FXR1: variants seen among roughly 807,000 people sequenced by gnomAD.
FXR1 encodes FMR1 autosomal homolog 1.
In FXR1, 15 loss-of-function variants were observed where a neutral mutation model predicts 84.0. That is an observed-to-expected ratio of 0.18 (90% CI 0.12 to 0.27). The LOEUF (loss-of-function observed/expected upper bound fraction) is 0.27, where lower values mean the gene tolerates loss of function less well. FXR1 is among the 10% of genes least tolerant of loss of function. The probability of loss-of-function intolerance (pLI) is 1.00; values close to 1 mark genes in which losing one functional copy is unlikely to be tolerated. For synonymous variants in FXR1, 245 were observed against 250.7 expected, an observed-to-expected ratio of 0.98 and a Z score of 0.21; for missense variants, 480 against 774.4, an observed-to-expected ratio of 0.62 and a Z score of 4.51.
Position 180,979,647 on chromosome 3 carries a change from T to C in FXR1, c.*3355T>C, listed in dbSNP as rs778764962. ...TTAATCTCTGATAGTATTTGGGTTTTATTTCAGGAGCTTTTGCAATAAAGC... is the reference window on the plus strand; with the variant it reads ...TTAATCTCTGATAGTATTTGGGTTTCATTTCAGGAGCTTTTGCAATAAAGC... On this transcript the variant is annotated 3_prime_UTR_variant, in exon 17 of 17. Transcript: ENST00000357559. 14 of 152,074 alleles carry C rather than the reference T, an allele frequency of 9.2e-5. No homozygotes were observed. Among genetic ancestry groups the C allele is most frequent in the Admixed American group, 3.3e-4 (5 of 15,256 alleles). 9.4% of individuals were successfully genotyped at this position (152,074 alleles called of 1,614,324 possible). A position where few individuals can be genotyped will look rare whatever the true frequency, so the allele number is the denominator to read the frequency against.
chr3:180,936,732 A>C (rs1376763675), intron 3 of FXR1, among the ~76,000 whole-genome samples: 1 of 152,224 alleles, frequency 6.6e-6, no homozygotes, highest in East Asian at 1.9e-4. Flanking sequence ...TTACTCATTC[A>C]TGAGGGACTT....
chr3:180,951,688 T>C (rs1197687096), intron 8 of FXR1, among the ~76,000 whole-genome samples: 1 of 152,240 alleles, frequency 6.6e-6, no homozygotes, highest in Non-Finnish European at 1.5e-5. Context: ...ATGTAGTTTT[T>C]TTATTGAGGT....
At chr3:180,968,676 G>A (rs1577000084) in intron 14 of FXR1, among the ~76,000 whole-genome samples, 1 of 152,144 alleles carries the variant, frequency 6.6e-6, no homozygotes, top group South Asian at 2.1e-4. Context: ...AGCATTCTTA[G>A]CTACACTATG....
intron 10 of FXR1, among the ~76,000 whole-genome samples, chr3:180,958,225 A>G (rs1195518867): frequency 6.6e-6 from 1 of 152,112 alleles, no homozygotes; most frequent in East Asian, 1.9e-4. Context: ...GTAGAACTTG[A>G]TACTCCAAAA....
intron 1 of FXR1, among the ~76,000 whole-genome samples, chr3:180,917,753 C>T (rs574721627): frequency 2.6e-5 from 4 of 151,888 alleles, no homozygotes; most frequent in Non-Finnish European, 5.9e-5. Flanking sequence ...TCGAGACCAG[C>T]CTGGCCAACA....
At position 180,976,410 on chromosome 3, in the gene FXR1, A is replaced by G. The variant is rs998071415; in HGVS notation, c.*118A>G. The G allele has an allele frequency of 2.0e-5, 13 of 640,948 alleles. No homozygotes were observed. The highest frequency in any genetic ancestry group is 3.2e-5 in the Non-Finnish European group (12 of 377,504). 39.7% of individuals were successfully genotyped at this position (640,948 alleles called of 1,614,324 possible). ...TTTACATCGCACTTTCAGTTCCTCCATTTGGAATTCAAAAAGGGGAGGGAT... is the reference window on the plus strand; with the variant it reads ...TTTACATCGCACTTTCAGTTCCTCCGTTTGGAATTCAAAAAGGGGAGGGAT... On this transcript the variant is annotated 3_prime_UTR_variant, in exon 17 of 17. Transcript: ENST00000357559.
intron 8 of FXR1, among the ~76,000 whole-genome samples, 166 bp from the exon 9 acceptor site, chr3:180,953,596 C>T (rs1383394248): frequency 6.6e-6 from 1 of 151,878 alleles, no homozygotes; most frequent in Non-Finnish European, 1.5e-5. Flanking sequence ...TTTTTAAGTA[C>T]TTTGTGAATC....
At position 180,978,101 on chromosome 3, in the gene FXR1, T is replaced by C. The variant is rs1357244124; in HGVS notation, c.*1809T>C. On this transcript the variant is annotated 3_prime_UTR_variant, in exon 17 of 17. Transcript: ENST00000357559. Reference sequence around the variant, plus strand: ...AAAGCTAGCAACAGGTTAAATTGTCTCAGTTCTCTTACATAATTGGGTTAA... The same window carrying C: ...AAAGCTAGCAACAGGTTAAATTGTCCCAGTTCTCTTACATAATTGGGTTAA... 6.6e-6 allele frequency: 1 copy of C among 151,872 alleles called. No individual in the cohort carries two copies. The highest frequency in any genetic ancestry group is 1.5e-5 in the Non-Finnish European group (1 of 67,946). The allele number at this position is 151,872 out of a possible 1,614,324, so 9.4% of individuals were successfully genotyped here.
At chr3:180,970,393 T>TATATAA (rs1713395791) in intron 15 of FXR1, 35 bp downstream of exon 15, 1 of 262,308 alleles carries the variant, frequency 3.8e-6, no homozygotes, top group African/African-American at 2.5e-5. Context: ...AATATATATA[T>TATATAA]ATATATATAT....
chr3:180,946,759 A>T (rs1221946239), intron 3 of FXR1, among the ~76,000 whole-genome samples: 1 of 152,190 alleles, frequency 6.6e-6, no homozygotes, highest in Non-Finnish European at 1.5e-5. Context: ...GCTTTCTAAA[A>T]GTCTTTGTTT....
At chr3:180,959,092 C>T (rs1398362321) in intron 10 of FXR1, among the ~76,000 whole-genome samples, 1 of 151,970 alleles carries the variant, frequency 6.6e-6, no homozygotes. Flanking sequence ...GGGCGTGAGC[C>T]ACCGTGCCCG....
intron 13 of FXR1, among the ~76,000 whole-genome samples, chr3:180,967,242 T>C (rs1712948263): frequency 6.6e-6 from 1 of 152,178 alleles, no homozygotes; most frequent in East Asian, 1.9e-4. Context: ...AACCGCAATT[T>C]AAGATGCTAG....
At chr3:180,967,595 A>G (rs1713000322) in intron 13 of FXR1, among the ~76,000 whole-genome samples, 1 of 151,544 alleles carries the variant, frequency 6.6e-6, no homozygotes, top group South Asian at 2.1e-4. Flanking sequence ...GCCAAAACCT[A>G]GGAATTAATG....
chr3:180,917,895 C>T (rs1478704143), intron 1 of FXR1, among the ~76,000 whole-genome samples: 2 of 137,848 alleles, frequency 1.5e-5, no homozygotes, highest in East Asian at 2.1e-4. Flanking sequence ...TGCAGTGAGC[C>T]GAGATCATGC....
rs1712286009 is a variant in FXR1 at position 180,962,765 on chromosome 3, T to C, written c.1078-118T>C. On this transcript the variant is annotated intron_variant, in intron 11 of 16. Coordinates refer to ENST00000357559, the MANE Select transcript of FXR1 (RefSeq NM_005087.4). ...TCTGTTGACTAGGAACACAATGCTC[T>C]TTACCATCTAATTGCCTAAGGTCAC... 5 of 684,970 alleles carry C rather than the reference T, an allele frequency of 7.3e-6. No individual in the cohort carries two copies. In the East Asian group the frequency reaches 1.3e-4, roughly 18 times the overall value. 42.4% of individuals were successfully genotyped at this position (684,970 alleles called of 1,614,324 possible).
At position 180,975,382 on chromosome 3, in the gene FXR1, T is replaced by A. The variant is rs1364834436; in HGVS notation, c.1673T>A (p.Leu558Ter). The A allele has an allele frequency of 2.0e-6, 3 of 1,501,986 alleles. No individual in the cohort carries two copies. Among genetic ancestry groups the A allele is most frequent in the Non-Finnish European group, 2.8e-6 (3 of 1,090,808 alleles). The allele number at this position is 1,501,986 out of a possible 1,614,324, so 93.0% of individuals were successfully genotyped here. ...CAAAGAAACCTCCCAAGGGAAACTT[T>A]GGCTAAAAACAAGAAAGAAATGGTA... ...SRQRNLPRET[L>*]AKNKKEMAKD... Residue 558 changes from leucine to a stop codon, truncating the protein, a stop_gained, in exon 16 of 17, where the codon TTG becomes TAG. Coordinates refer to ENST00000357559, the MANE Select transcript of FXR1 (RefSeq NM_005087.4). LOFTEE classifies it high-confidence loss of function.
At chr3:180,950,803 C>G (rs1416626463) in intron 7 of FXR1, among the ~76,000 whole-genome samples, 1 of 152,054 alleles carries the variant, frequency 6.6e-6, no homozygotes, top group African/African-American at 2.4e-5. Flanking sequence ...TCAGAATTTC[C>G]TTTTTAAGGC....
chr3:180,939,165 A>T (rs1272041774), intron 3 of FXR1, among the ~76,000 whole-genome samples: 1 of 152,094 alleles, frequency 6.6e-6, no homozygotes, highest in Non-Finnish European at 1.5e-5. Context: ...AAGTGCTGAG[A>T]TTATAGGCGT....
intron 11 of FXR1, among the ~76,000 whole-genome samples, chr3:180,962,596 T>G (rs908633140): frequency 1.3e-5 from 2 of 152,348 alleles, no homozygotes; most frequent in Non-Finnish European, 2.9e-5. Flanking sequence ...AATAAATAAC[T>G]TATTTTAAAG....
Sources: allele counts gnomAD v4.1 joint callset (sites outside exome capture counted in the v4.1 genomes callset), GRCh38; gene constraint gnomAD v4.1.1; transcripts MANE v1.5; gene names NCBI Gene and HGNC (gene_info 2026-07-23, HGNC 2026-07-21).